The following CYP2C19 variants were observed in gnomAD, a reference collection of about 807,000 sequenced individuals.
The protein encoded by CYP2C19 is cytochrome P450 2C19.
CYP2C19 carries 59 observed loss-of-function variants against 40.9 expected under a neutral mutation model. The ratio of observed to expected loss-of-function variants is 1.44; its 90% confidence interval spans 1.17 to 1.79. CYP2C19 has a LOEUF of 1.79. Ranked by LOEUF, CYP2C19 falls within the 40% of genes most tolerant of loss-of-function variation. The pLI, the probability that CYP2C19 is intolerant of heterozygous loss-of-function variation, is 0.00. For synonymous variants in CYP2C19, 253 were observed against 208.7 expected, an observed-to-expected ratio of 1.21 and a Z score of -1.83; for missense variants, 754 against 596.9, an observed-to-expected ratio of 1.26 and a Z score of -2.74.
chr10:94,802,045 C>T lies in CYP2C19; in HGVS notation c.820-18451C>T, dbSNP rs146071747. ...TGGCTGAGGTGGCCAGCTTTTATTC[C>T]CTTATTTGTCCCCACCCATGTCCTG... is the stretch of plus-strand genomic sequence containing the variant. On this transcript the variant is annotated intron_variant, in intron 5 of 8. Coordinates refer to ENST00000371321, the MANE Select transcript of CYP2C19 (RefSeq NM_000769.4). 3.1e-3 allele frequency among the ~76,000 whole-genome samples: 472 copies of T among 152,180 alleles called. 3 individuals carry two copies. The highest frequency in any genetic ancestry group is 0.011 in the African/African-American group (449 of 41,520).
At position 94,817,405 on chromosome 10, in the gene CYP2C19, T is replaced by C. The variant is rs1487871192; in HGVS notation, c.820-3091T>C. Among the ~76,000 whole-genome samples the C allele has an allele frequency of 2.8e-4, 41 of 145,232 alleles. No individual in the cohort carries two copies. The South Asian group carries it at 7.8e-3, about 27-fold the overall frequency. On this transcript the variant is annotated intron_variant, in intron 5 of 8. Coordinates refer to ENST00000371321, the MANE Select transcript of CYP2C19 (RefSeq NM_000769.4). Reference sequence around the variant, plus strand: ...TTGAGAAGTGTCTGTTCATGTCCTTTGCCCACTTTTTGATGGGGTTGTTTG... The same window carrying C: ...TTGAGAAGTGTCTGTTCATGTCCTTCGCCCACTTTTTGATGGGGTTGTTTG...
Position 94,853,001 on chromosome 10 carries a change from C to T in CYP2C19, c.*87C>T. ...AATTTCACTATCTGTGATGCTTCTT[C>T]TGACCCGTCATCTCACATTTTCCCT... On this transcript the variant is annotated 3_prime_UTR_variant, in exon 9 of 9. Coordinates refer to ENST00000371321, the MANE Select transcript of CYP2C19 (RefSeq NM_000769.4). 7.2e-7 allele frequency: 1 copy of T among 1,395,822 alleles called. No homozygotes were observed. The highest frequency in any genetic ancestry group is 9.9e-7 in the Non-Finnish European group (1 of 1,006,050). 86.5% of individuals were successfully genotyped at this position (1,395,822 alleles called of 1,614,324 possible).
chr10:94,822,914 C>T (rs1368438073), intron 6 of CYP2C19, among the ~76,000 whole-genome samples: 1 of 150,652 alleles, frequency 6.6e-6, no homozygotes, highest in Admixed American at 6.6e-5. Flanking sequence ...TTCACCATTT[C>T]TAATTTTTTT....
intron 6 of CYP2C19, among the ~76,000 whole-genome samples, chr10:94,841,198 C>A (rs962257006): frequency 6.6e-6 from 1 of 152,104 alleles, no homozygotes; most frequent in African/African-American, 2.4e-5. Flanking sequence ...AGCTGTGGGT[C>A]ATGGAAGAGA....
At chr10:94,825,479 C>T (rs1781336078) in intron 6 of CYP2C19, among the ~76,000 whole-genome samples, 1 of 147,938 alleles carries the variant, frequency 6.8e-6, no homozygotes, top group South Asian at 2.2e-4. Context: ...CTGTTCATGT[C>T]CTTTGCCCAC....
intron 1 of CYP2C19, among the ~76,000 whole-genome samples, chr10:94,769,167 G>T (rs886224790): frequency 6.6e-6 from 1 of 151,970 alleles, no homozygotes; most frequent in Non-Finnish European, 1.5e-5. Flanking sequence ...TGACCTAGAC[G>T]CCTTGTACCC....
chr10:94,779,021 C>CCAAA (rs1322199019), intron 3 of CYP2C19, among the ~76,000 whole-genome samples: 3 of 152,040 alleles, frequency 2.0e-5, no homozygotes, highest in Non-Finnish European at 1.5e-5. Context: ...GAACAGAAAA[C>CCAAA]CAAACACTGC....
At chr10:94,769,926 G>A (rs1848303192) in intron 1 of CYP2C19, among the ~76,000 whole-genome samples, 1 of 152,088 alleles carries the variant, frequency 6.6e-6, no homozygotes, top group South Asian at 2.1e-4. Context: ...CCTTAATAAG[G>A]GTGTGGGACT....
intron 5 of CYP2C19, among the ~76,000 whole-genome samples, chr10:94,818,996 T>C (rs1447338886): frequency 6.7e-6 from 1 of 149,708 alleles, no homozygotes; most frequent in South Asian, 2.1e-4. Flanking sequence ...GAAGTAAAGC[T>C]CTCCTCAGCA....
chr10:94,829,087 G>T (rs1359876554), intron 6 of CYP2C19, among the ~76,000 whole-genome samples: 1 of 152,114 alleles, frequency 6.6e-6, no homozygotes, highest in Non-Finnish European at 1.5e-5. Flanking sequence ...CTCTCTGGCT[G>T]CCCTTAACAT....
chr10:94,822,036 G>C (rs1346626028), intron 6 of CYP2C19, among the ~76,000 whole-genome samples: 1 of 152,116 alleles, frequency 6.6e-6, no homozygotes, highest in Non-Finnish European at 1.5e-5. Flanking sequence ...GTGAGAACAG[G>C]TGGTATTTGG....
intron 5 of CYP2C19, among the ~76,000 whole-genome samples, chr10:94,805,937 C>A (rs561700677): frequency 1.3e-5 from 2 of 152,218 alleles, no homozygotes; most frequent in East Asian, 3.9e-4. Flanking sequence ...TCACTTGCTC[C>A]GAAATTTATC....
At chr10:94,800,117 G>T (rs1166495626) in intron 5 of CYP2C19, among the ~76,000 whole-genome samples, 2 of 152,090 alleles carry the variant, frequency 1.3e-5, no homozygotes, top group Non-Finnish European at 2.9e-5. Context: ...TTTCTGCTCT[G>T]GTCTCTCCCC....
intron 5 of CYP2C19, among the ~76,000 whole-genome samples, chr10:94,817,880 G>A (rs1339588166): frequency 4.6e-5 from 7 of 151,612 alleles, no homozygotes; most frequent in African/African-American, 7.3e-5. Flanking sequence ...GGGCGTAGTG[G>A]CGGGCACCTG....
intron 6 of CYP2C19, among the ~76,000 whole-genome samples, chr10:94,841,012 C>G (rs1849486654): frequency 6.6e-6 from 1 of 152,106 alleles, no homozygotes; most frequent in Non-Finnish European, 1.5e-5. Context: ...AAAATGTTAC[C>G]AAGGGGGTCC....
At chr10:94,820,338 G>A (rs1281883765) in intron 5 of CYP2C19, among the ~76,000 whole-genome samples, 158 bp from the exon 6 acceptor site, 2 of 151,880 alleles carry the variant, frequency 1.3e-5, no homozygotes, top group African/African-American at 4.8e-5. Context: ...CACAAGACAG[G>A]GATGCCCTCT....
chr10:94,764,844 C>A (rs1002406357), intron 1 of CYP2C19, among the ~76,000 whole-genome samples: 1 of 152,094 alleles, frequency 6.6e-6, no homozygotes, highest in African/African-American at 2.4e-5. Flanking sequence ...GCCATGGGAC[C>A]TAGAAAGGGG....
At chr10:94,828,730 C>A (rs1398335732) in intron 6 of CYP2C19, among the ~76,000 whole-genome samples, 1 of 151,784 alleles carries the variant, frequency 6.6e-6, no homozygotes, top group Non-Finnish European at 1.5e-5. Flanking sequence ...TTATTTTGCT[C>A]GTTAGTTGAT....
chr10:94,806,930 A>G (rs1337996145), intron 5 of CYP2C19, among the ~76,000 whole-genome samples: 1 of 151,618 alleles, frequency 6.6e-6, no homozygotes, highest in Non-Finnish European at 1.5e-5. Flanking sequence ...AGCTATTTGA[A>G]AATATACAAT....
Sources: allele counts gnomAD v4.1 joint callset (sites outside exome capture counted in the v4.1 genomes callset), GRCh38; gene constraint gnomAD v4.1.1; transcripts MANE v1.5; gene names NCBI Gene and HGNC (gene_info 2026-07-23, HGNC 2026-07-21).